The following HHAT variants were observed in gnomAD, a reference collection of about 807,000 sequenced individuals.
HHAT encodes the protein protein-cysteine N-palmitoyltransferase HHAT.
Under a neutral mutation model 70.8 loss-of-function variants are expected in HHAT, and 47 were observed. The observed-to-expected ratio is 0.66, with a 90% CI of 0.53 to 0.85. The LOEUF (loss-of-function observed/expected upper bound fraction) is 0.85. Among genes scored for constraint, HHAT ranks in the 40% least tolerant of loss-of-function variants. The pLI is 0.00. For synonymous variants in HHAT, 228 were observed against 247.6 expected (o/e 0.92, Z 0.74); for missense variants, 609 against 604.8 (o/e 1.01, Z -0.07).
At chr1:210,381,569 C>T (rs1047972626) in intron 3 of HHAT, among the ~76,000 whole-genome samples, 4 of 152,194 alleles carry the variant, frequency 2.6e-5, no homozygotes, top group African/African-American at 9.6e-5. Context: ...GCATGAGCTA[C>T]TGCACCCGGC....
intron 7 of HHAT, among the ~76,000 whole-genome samples, chr1:210,454,620 T>C (rs920797445): frequency 1.3e-5 from 2 of 152,184 alleles, no homozygotes; most frequent in Non-Finnish European, 2.9e-5. Flanking sequence ...GTGTGGAGTA[T>C]TACTTTGCTT....
chr1:210,473,913 C>A (rs1273553166), intron 8 of HHAT, among the ~76,000 whole-genome samples: 1 of 152,164 alleles, frequency 6.6e-6, no homozygotes, highest in Non-Finnish European at 1.5e-5. Context: ...TTTTGCCCCA[C>A]CTCAGTTCTG....
chr1:210,485,410 C>T (rs1399994436), intron 8 of HHAT, among the ~76,000 whole-genome samples: 12 of 152,086 alleles, frequency 7.9e-5, no homozygotes. Flanking sequence ...TTCATATTTG[C>T]TTAAGAACAG....
In HHAT at chr1:210,349,009, C is replaced by G. The variant is rs1321878496; in HGVS notation, c.34C>G (p.Leu12Val). ...LPRWELALYL[L>V]ASLGFHFYSF... is the part of the protein sequence containing the mutation. ...CCGATGGGAACTGGCACTTTACCTA[C>G]TTGCCTCACTAGGCTTCCACTTCTA... Residue 12 changes from leucine (L) to valine (V), a missense_variant, in exon 2 of 12, where the codon CTT becomes GTT. Physicochemically the swap from Leu to Val is conservative, Grantham distance 32. Coordinates refer to ENST00000261458, the MANE Select transcript of HHAT (RefSeq NM_018194.6). 2 of 1,614,056 alleles carry G rather than the reference C, an allele frequency of 1.2e-6. No homozygotes were observed. The highest frequency in any genetic ancestry group is 1.7e-6 in the Non-Finnish European group (2 of 1,179,942).
chr1:210,630,698 G>A (rs1670689825), intron 11 of HHAT, among the ~76,000 whole-genome samples: 1 of 152,176 alleles, frequency 6.6e-6, no homozygotes, highest in South Asian at 2.1e-4. Context: ...AGATCTGCAA[G>A]CAACATGCGA....
At chr1:210,374,382 CT>C (rs1373522901) in intron 3 of HHAT, 1 of 152,178 alleles carries the variant, frequency 6.6e-6, no homozygotes, top group Non-Finnish European at 1.5e-5. Context: ...AAAAAGAATT[CT>C]TTAATCTTCC....
chr1:210,336,865 C>CTT lies in HHAT; in HGVS notation c.-44+7762_-44+7763dup, dbSNP rs953898646. Reference sequence around the variant, plus strand: ...TATTGTAATAAAGTTTACTTAAAATCTTGTAAAAAGTTAGGTTCATTCTGA... The same window carrying CTT: ...TATTGTAATAAAGTTTACTTAAAATCTTTTGTAAAAAGTTAGGTTCATTCTGA... On this transcript the variant is annotated intron_variant, in intron 1 of 11. Coordinates refer to ENST00000261458, the MANE Select transcript of HHAT (RefSeq NM_018194.6). Among the ~76,000 whole-genome samples the CTT allele has an allele frequency of 4.4e-4, 67 of 152,224 alleles. 1 individual carries two copies. Among genetic ancestry groups the CTT allele is most frequent in the African/African-American group, 1.5e-3 (62 of 41,544 alleles).
Position 210,425,294 on chromosome 1 carries a change from G to A in HHAT, c.856+6969G>A, listed in dbSNP as rs184065574. Among the ~76,000 whole-genome samples the A allele has an allele frequency of 5.9e-5, 9 of 152,250 alleles. No homozygotes were observed. The East Asian group carries it at 1.7e-3, about 29-fold the overall frequency. On this transcript the variant is annotated intron_variant, in intron 7 of 11. Transcript: ENST00000261458. Reference sequence around the variant, plus strand: ...TGCAAAAATTTTCTCCCATTTTGTAGGTTGTCTGTTTACTCTGTTGATAGT... The same window carrying A: ...TGCAAAAATTTTCTCCCATTTTGTAAGTTGTCTGTTTACTCTGTTGATAGT...
At chr1:210,522,889 C>A (rs1009316081) in intron 9 of HHAT, among the ~76,000 whole-genome samples, 8 of 152,062 alleles carry the variant, frequency 5.3e-5, no homozygotes, top group African/African-American at 1.9e-4. Flanking sequence ...GACTACTTAT[C>A]TGTAAATTGG....
intron 7 of HHAT, among the ~76,000 whole-genome samples, chr1:210,430,562 G>C (rs1001365655): frequency 6.6e-6 from 1 of 151,792 alleles, no homozygotes; most frequent in African/African-American, 2.4e-5. Flanking sequence ...GAAGATCATA[G>C]TTTCTAATTA....
chr1:210,582,824 A>G (rs1659574612), intron 9 of HHAT, among the ~76,000 whole-genome samples: 1 of 152,224 alleles, frequency 6.6e-6, no homozygotes, highest in Non-Finnish European at 1.5e-5. Flanking sequence ...AGCGGAAGTT[A>G]TACCTCTTGT....
intron 9 of HHAT, among the ~76,000 whole-genome samples, chr1:210,571,005 T>C (rs761708879): frequency 5.3e-5 from 8 of 152,174 alleles, no homozygotes; most frequent in East Asian, 1.9e-4. Context: ...TTTAGGTAAA[T>C]AGGGAATGCT....
At chr1:210,608,061 A>G (rs1163334414) in intron 10 of HHAT, among the ~76,000 whole-genome samples, 3 of 152,178 alleles carry the variant, frequency 2.0e-5, no homozygotes, top group African/African-American at 7.2e-5. Flanking sequence ...GATGGTATGG[A>G]TATATAATTT....
intron 2 of HHAT, among the ~76,000 whole-genome samples, chr1:210,353,286 G>A (rs749514850): frequency 6.6e-6 from 1 of 152,072 alleles, no homozygotes; most frequent in Non-Finnish European, 1.5e-5. Context: ...GCATCAGAAG[G>A]CTTGTGTGAT....
At chr1:210,380,609 G>A (rs890731143) in intron 3 of HHAT, among the ~76,000 whole-genome samples, 3 of 151,964 alleles carry the variant, frequency 2.0e-5, no homozygotes, top group Admixed American at 6.5e-5. Context: ...ACAGGTAACC[G>A]TAGTGGCATA....
chr1:210,550,315 G>T (rs2095517624), intron 9 of HHAT, among the ~76,000 whole-genome samples: 1 of 149,238 alleles, frequency 6.7e-6, no homozygotes, highest in Admixed American at 6.9e-5. Context: ...AAAAGCACAT[G>T]AAAGAGAAGA....
chr1:210,330,130 T>C (rs899346075), intron 1 of HHAT, among the ~76,000 whole-genome samples: 1 of 152,230 alleles, frequency 6.6e-6, no homozygotes, highest in African/African-American at 2.4e-5. Flanking sequence ...GAAGGCTTCA[T>C]TGAAGAGGCG....
Position 210,362,520 on chromosome 1 carries a change from C to T in HHAT, c.92-332C>T, listed in dbSNP as rs1031677779. Among the ~76,000 whole-genome samples, 7 of 152,324 alleles carry T rather than the reference C, an allele frequency of 4.6e-5. No homozygotes were observed. In the East Asian group the frequency reaches 1.2e-3, roughly 25 times the overall value. On this transcript the variant is annotated intron_variant, in intron 2 of 11. Coordinates refer to ENST00000261458, the MANE Select transcript of HHAT (RefSeq NM_018194.6). ...GATTACAGGCGTGAGCCACCATGCCCGGCCCAAAATTTCTAACAGCGTGTG... is the reference window on the plus strand; with the variant it reads ...GATTACAGGCGTGAGCCACCATGCCTGGCCCAAAATTTCTAACAGCGTGTG...
chr1:210,609,330 AATTG>A (rs1477742172), intron 10 of HHAT, among the ~76,000 whole-genome samples: 32 of 152,134 alleles, frequency 2.1e-4, no homozygotes, highest in African/African-American at 7.7e-4. Flanking sequence ...TAATTGTCTT[AATTG>A]ATAAAAATTG....
Sources: allele counts gnomAD v4.1 joint callset (sites outside exome capture counted in the v4.1 genomes callset), GRCh38; gene constraint gnomAD v4.1.1; transcripts MANE v1.5; gene names NCBI Gene and HGNC (gene_info 2026-07-23, HGNC 2026-07-21).